THSD7A: variants seen among roughly 807,000 people sequenced by gnomAD.
The protein encoded by THSD7A is thrombospondin type 1 domain containing 7A.
Under a neutral mutation model 231.3 loss-of-function variants are expected in THSD7A, and 96 were observed. That is an observed-to-expected ratio of 0.41 (90% confidence interval 0.35 to 0.49). The LOEUF (loss-of-function observed/expected upper bound fraction) is 0.49. Ranked by LOEUF, THSD7A falls within the 20% of genes least tolerant of loss-of-function variation. The pLI is 0.05. For missense variants in THSD7A, 2,290 were observed against 2,070.2 expected (o/e 1.11, Z -2.06); for synonymous variants, 940 against 743.3 (o/e 1.26, Z -4.30).
intron 1 of THSD7A, among the ~76,000 whole-genome samples, chr7:11,754,753 A>C (rs1339029201): frequency 6.6e-6 from 1 of 152,102 alleles, no homozygotes; most frequent in African/African-American, 2.4e-5. Flanking sequence ...TCAACATACA[A>C]TGTAGTTCCT....
intron 6 of THSD7A, among the ~76,000 whole-genome samples, chr7:11,482,945 C>T (rs1427497406): frequency 6.6e-6 from 1 of 152,164 alleles, no homozygotes; most frequent in Non-Finnish European, 1.5e-5. Flanking sequence ...AAAGTCTGAA[C>T]TCTATGGTTT....
At chr7:11,379,013 T>C (rs1782395311) in intron 26 of THSD7A, 57 bp downstream of exon 26, 2 of 1,545,246 alleles carry the variant, frequency 1.3e-6, no homozygotes, top group African/African-American at 1.4e-5. Context: ...TTTAATCCTT[T>C]GGCATTGCCT....
intron 11 of THSD7A, among the ~76,000 whole-genome samples, chr7:11,449,068 A>T (rs1161824990): frequency 6.6e-6 from 1 of 152,076 alleles, no homozygotes; most frequent in Admixed American, 6.6e-5. Flanking sequence ...GGTGGTTCTC[A>T]TGTCTGGCTG....
chr7:11,657,699 T>C (rs562227971), intron 1 of THSD7A, among the ~76,000 whole-genome samples: 206 of 151,946 alleles, frequency 1.4e-3, no homozygotes, highest in African/African-American at 4.7e-3. Context: ...GTTTAAACCA[T>C]TCACAGATAA....
intron 19 of THSD7A, among the ~76,000 whole-genome samples, chr7:11,409,307 G>GT (rs1366239245): frequency 6.6e-6 from 1 of 152,180 alleles, no homozygotes; most frequent in Non-Finnish European, 1.5e-5. Context: ...AGCAGCCAGT[G>GT]TTACCTACTG....
intron 1 of THSD7A, among the ~76,000 whole-genome samples, chr7:11,722,047 T>G (rs1228140701): frequency 6.6e-6 from 1 of 151,918 alleles, no homozygotes; most frequent in African/African-American, 2.4e-5. Context: ...GAAACCACCT[T>G]TGCAAAATTA....
At chr7:11,441,809 A>G (rs1000294777) in intron 13 of THSD7A, among the ~76,000 whole-genome samples, 15 of 151,906 alleles carry the variant, frequency 9.9e-5, no homozygotes, top group Admixed American at 6.6e-4. Context: ...GGAGGGGAAC[A>G]TCACACACTG....
intron 6 of THSD7A, among the ~76,000 whole-genome samples, chr7:11,519,376 T>G (rs746121763): frequency 1.3e-5 from 2 of 152,142 alleles, no homozygotes; most frequent in African/African-American, 2.4e-5. Context: ...AATAAATTTT[T>G]AGCTTCCTTT....
Position 11,481,806 on chromosome 7 carries a change from C to A in THSD7A, c.1999G>T (p.Ala667Ser), listed in dbSNP as rs756456711. Residue 667 changes from alanine (A) to serine (S), a missense_variant, in exon 7 of 28, where the codon GCC (alanine) becomes TCC (serine). Transcript: ENST00000423059. ...GKQIRARSIL[A>S]YAGEEGGIRC... ...GACTCACCTTCTTCACCCGCATAGG[C>A]CAGAATGGATCGTGCTCGTATCTGT... is the stretch of plus-strand genomic sequence containing the variant. The A allele has an allele frequency of 1.4e-5, 22 of 1,612,602 alleles. No homozygotes were observed. The Admixed American group carries it at 2.0e-4, about 15-fold the overall frequency.
chr7:11,787,450 C>G (rs1783825161), intron 1 of THSD7A, among the ~76,000 whole-genome samples: 1 of 151,944 alleles, frequency 6.6e-6, no homozygotes, highest in African/African-American at 2.4e-5. Flanking sequence ...TGGGAAGACA[C>G]TGCTAAAAGA....
chr7:11,603,819 A>G (rs1422279689), intron 2 of THSD7A, among the ~76,000 whole-genome samples: 2 of 146,050 alleles, frequency 1.4e-5, no homozygotes, highest in African/African-American at 5.0e-5. Flanking sequence ...ATAGGTGGGA[A>G]TTGAACAACG....
chr7:11,575,095 T>G (rs1043663306), intron 4 of THSD7A, among the ~76,000 whole-genome samples: 1 of 152,172 alleles, frequency 6.6e-6, no homozygotes, highest in African/African-American at 2.4e-5. Context: ...GTCTCATAAG[T>G]AAATAAATGT....
chr7:11,543,623 A>T (rs539969818), intron 4 of THSD7A, among the ~76,000 whole-genome samples: 1 of 152,324 alleles, frequency 6.6e-6, no homozygotes, highest in South Asian at 2.1e-4. Flanking sequence ...AAGGATCTCA[A>T]ATGGGGGCTA....
Position 11,636,139 on chromosome 7 carries a change from G to T in THSD7A, c.1013C>A (p.Ala338Asp). The T allele has an allele frequency of 6.2e-7, 1 of 1,609,810 alleles. No homozygotes were observed. The highest frequency in any genetic ancestry group is 1.7e-4 in the Middle Eastern group (1 of 6,028). Residue 338 changes from alanine to aspartate, a missense_variant, in exon 2 of 28, where the codon GCT (alanine) becomes GAT (aspartate). Transcript: ENST00000423059. This position sits in a 1 kb window ranked among gnomAD's most constrained non-coding sequence, Gnocchi z 10.0. ...GTAATTAAAATGTTACCTTAAATCA[G>T]CAGCTTTCCCCGTCTTGTTAATGCA... ...VMCINKTGKAADLSFCQQEKL... is the reference protein window; with the variant it reads ...VMCINKTGKADDLSFCQQEKL...
At chr7:11,639,632 C>T (rs994534534) in intron 1 of THSD7A, among the ~76,000 whole-genome samples, 75 of 151,960 alleles carry the variant, frequency 4.9e-4, no homozygotes, top group African/African-American at 1.8e-3. Flanking sequence ...GGCACCACTG[C>T]ACTCCAGCCT....
intron 2 of THSD7A, among the ~76,000 whole-genome samples, chr7:11,599,301 A>T (rs1236717496): frequency 6.6e-6 from 1 of 152,226 alleles, no homozygotes; most frequent in African/African-American, 2.4e-5. Context: ...ACCAGGAAAA[A>T]TACCACAGAC....
rs80219231 is a variant in THSD7A at position 11,372,055 on chromosome 7, G to A, written c.*3739C>T. On this transcript the variant is annotated 3_prime_UTR_variant, in exon 28 of 28. Transcript: ENST00000423059. ...TGAGAGGTCTATTCAATTTCTGTGA[G>A]AAGGAAGACGTGAATTTACCTTGAA... 0.015 allele frequency: 2,243 copies of A among 152,122 alleles called. 20 individuals carry two copies. Among genetic ancestry groups the A allele is most frequent in the Non-Finnish European group, 0.025 (1,691 of 68,004 alleles). The allele number at this position is 152,122 out of a possible 1,614,324, so 9.4% of individuals were successfully genotyped here. A position where few individuals can be genotyped will look rare whatever the true frequency, so the allele number is the denominator to read the frequency against.
chr7:11,468,980 TA>T (rs1309678680), intron 9 of THSD7A, among the ~76,000 whole-genome samples: 1 of 152,058 alleles, frequency 6.6e-6, no homozygotes, highest in Non-Finnish European at 1.5e-5. Context: ...AGTAACACAG[TA>T]AAAGTATCCA....
At chr7:11,583,420 G>A (rs548576138) in intron 4 of THSD7A, among the ~76,000 whole-genome samples, 1 of 152,042 alleles carries the variant, frequency 6.6e-6, no homozygotes, top group Non-Finnish European at 1.5e-5. Context: ...GGGACTACAG[G>A]TGCATGCCAT....
Sources: allele counts gnomAD v4.1 joint callset (sites outside exome capture counted in the v4.1 genomes callset), GRCh38; gene constraint gnomAD v4.1.1; non-coding constraint Gnocchi (gnomAD v3.1); transcripts MANE v1.5; gene names NCBI Gene and HGNC (gene_info 2026-07-23, HGNC 2026-07-21).